The following FGD6 variants were observed in gnomAD, a reference collection of about 807,000 sequenced individuals.
The protein encoded by FGD6 is FYVE, RhoGEF and PH domain-containing protein 6.
In FGD6, 90 loss-of-function variants were observed where a neutral mutation model predicts 149.4. The ratio of observed to expected loss-of-function variants is 0.60; its 90% CI spans 0.51 to 0.72. FGD6 has a LOEUF of 0.72. FGD6 is among the 30% of genes least tolerant of loss of function. The pLI, the probability that FGD6 is intolerant of heterozygous loss-of-function variation, is 0.00. For missense variants in FGD6, 1,437 were observed against 1,684.8 expected (o/e 0.85, Z 2.57); for synonymous variants, 527 against 584.0 (o/e 0.90, Z 1.41).
At chr12:95,213,552 A>T (rs1274620493) in intron 1 of FGD6, among the ~76,000 whole-genome samples, 3 of 152,246 alleles carry the variant, frequency 2.0e-5, no homozygotes, top group Non-Finnish European at 4.4e-5. Context: ...ATTTTACCAC[A>T]GTTGGAAGAA....
intron 2 of FGD6, among the ~76,000 whole-genome samples, chr12:95,190,766 T>C (rs996291201): frequency 1.3e-5 from 2 of 152,082 alleles, no homozygotes; most frequent in Admixed American, 1.3e-4. Flanking sequence ...TGTAAAAATT[T>C]TGGGCGAGGC....
intron 2 of FGD6, among the ~76,000 whole-genome samples, chr12:95,193,336 G>A (rs1468398759): frequency 1.3e-5 from 2 of 151,940 alleles, no homozygotes; most frequent in Non-Finnish European, 2.9e-5. Context: ...CAACTTGGAT[G>A]GCTCTACAGA....
chr12:95,186,269 G>A (rs1271652779), intron 2 of FGD6, among the ~76,000 whole-genome samples: 2 of 84,156 alleles, frequency 2.4e-5, no homozygotes, highest in African/African-American at 9.0e-5. Context: ...TTTTTTTTGA[G>A]ACGGAGTCTT....
At chr12:95,153,101 G>T in intron 3 of FGD6, 108 bp from the exon 4 acceptor site, 1 of 892,792 alleles carries the variant, frequency 1.1e-6, no homozygotes, top group Non-Finnish European at 1.8e-6. Context: ...TTTCCTCCTA[G>T]CACACAGTTC....
chr12:95,213,335 T>G (rs1192461312), intron 1 of FGD6, among the ~76,000 whole-genome samples: 1 of 152,124 alleles, frequency 6.6e-6, no homozygotes, highest in East Asian at 1.9e-4. Context: ...TCCCAGCACC[T>G]TGGGAGGGCA....
intron 5 of FGD6, among the ~76,000 whole-genome samples, chr12:95,148,284 A>C (rs1451002423): frequency 3.0e-4 from 1 of 3,388 alleles, no homozygotes; most frequent in Non-Finnish European, 3.8e-4. Context: ...TTACAATGCA[A>C]AAAAAAAAAA....
rs770567489 is a variant in FGD6 at position 95,209,607 on chromosome 12, T to C, written c.1677A>G (p.Lys559=). 1.2e-6 allele frequency: 2 copies of C among 1,613,964 alleles called. No homozygotes were observed. Among genetic ancestry groups the C allele is most frequent in the Non-Finnish European group, 1.7e-6 (2 of 1,179,998 alleles). Residue 559 remains lysine, a synonymous_variant, in exon 2 of 21, where the codon AAA becomes AAG. Coordinates refer to ENST00000343958, the MANE Select transcript of FGD6 (RefSeq NM_018351.4). ...RGVSSSFDMP[K]RASEKPVWKL... The stretch of plus-strand genomic sequence containing the variant: ...TCCACACTGGCTTTTCTGAAGCCCG[T>C]TTAGGCATATCAAAGGAGGATGACA...
intron 9 of FGD6, among the ~76,000 whole-genome samples, chr12:95,113,041 C>T (rs932645411): frequency 6.6e-6 from 1 of 152,072 alleles, no homozygotes; most frequent in Non-Finnish European, 1.5e-5. Flanking sequence ...AGTGACTGAG[C>T]ACAGGAGGGC....
intron 20 of FGD6, 114 bp from the exon 21 acceptor site, chr12:95,081,670 T>G (rs1232305950): frequency 5.8e-6 from 2 of 344,504 alleles, no homozygotes; most frequent in East Asian, 4.8e-5. Context: ...ATAGGTAAGA[T>G]ATATATATAT....
chr12:95,194,270 T>C, intron 2 of FGD6, among the ~76,000 whole-genome samples: 1 of 151,598 alleles, frequency 6.6e-6, no homozygotes, highest in East Asian at 1.9e-4. Context: ...AGTTTCACTC[T>C]TGTTGCCCAG....
intron 2 of FGD6, among the ~76,000 whole-genome samples, chr12:95,174,148 G>T (rs1478090562): frequency 1.3e-5 from 2 of 152,120 alleles, no homozygotes; most frequent in African/African-American, 4.8e-5. Context: ...CTCCCCGGGG[G>T]TAAGTGGTGG....
Position 95,209,525 on chromosome 12 carries a change from T to C in FGD6, c.1759A>G (p.Thr587Ala). The C allele has an allele frequency of 6.2e-7, 1 of 1,614,002 alleles. No individual in the cohort carries two copies. The highest frequency in any genetic ancestry group is 8.5e-7 in the Non-Finnish European group (1 of 1,179,996). Residue 587 changes from threonine to alanine, a missense_variant, in exon 2 of 21, where the codon ACC (threonine) becomes GCC (alanine). Transcript: ENST00000343958. ...GAAGGCTCACTGTTTGACGATACGGTGACAGACTTTAAGAATTCTGGGTTC... is the reference window on the plus strand; with the variant it reads ...GAAGGCTCACTGTTTGACGATACGGCGACAGACTTTAAGAATTCTGGGTTC... Reference protein sequence around the residue: ...SGNPEFLKSVTVSSNSEPSTA... With the variant: ...SGNPEFLKSVAVSSNSEPSTA...
chr12:95,096,448 C>T (rs1363931379), intron 14 of FGD6, among the ~76,000 whole-genome samples: 1 of 152,120 alleles, frequency 6.6e-6, no homozygotes, highest in African/African-American at 2.4e-5. Context: ...TCATTACATA[C>T]AAAGAACAGC....
At chr12:95,164,316 A>G (rs1880734538) in intron 3 of FGD6, among the ~76,000 whole-genome samples, 1 of 142,024 alleles carries the variant, frequency 7.0e-6, no homozygotes, top group Non-Finnish European at 1.5e-5. Flanking sequence ...ATCTCGGCTC[A>G]CGGCAAGCTC....
At chr12:95,125,919 T>C in intron 8 of FGD6, 1 of 1,439,238 alleles carries the variant, frequency 6.9e-7, no homozygotes, top group South Asian at 1.1e-5. Flanking sequence ...GCCTTTCAAG[T>C]ACATGCAGCT....
chr12:95,182,410 A>G (rs996501442), intron 2 of FGD6, among the ~76,000 whole-genome samples: 2 of 152,302 alleles, frequency 1.3e-5, no homozygotes, highest in Middle Eastern at 3.4e-3. Flanking sequence ...TATGCTGGCC[A>G]GGCTGGTGTC....
In FGD6 at chr12:95,209,329, C is replaced by T. The variant is rs771809047; in HGVS notation, c.1955G>A (p.Ser652Asn). Residue 652 changes from serine to asparagine, a missense_variant, in exon 2 of 21, where the codon AGC becomes AAC. Ser to Asn is a conservative substitution (Grantham distance 46). Transcript: ENST00000343958. ...SDFQKFWSKS[S>N]QLGDTTTGHL... ...GCCTGTGGTGGTGTCTCCGAGTTGG[C>T]TACTCTTGGACCAAAATTTTTGAAA... 7 of 1,613,380 alleles carry T rather than the reference C, an allele frequency of 4.3e-6. No individual in the cohort carries two copies. In the African/African-American group the frequency reaches 8.0e-5, roughly 18 times the overall value.
chr12:95,111,005 C>T (rs1878803601), intron 9 of FGD6, among the ~76,000 whole-genome samples: 2 of 151,752 alleles, frequency 1.3e-5, no homozygotes, highest in Admixed American at 6.6e-5. Flanking sequence ...TTTCCTGAGA[C>T]AGAGTCTTGC....
chr12:95,178,694 A>G (rs1217691602), intron 2 of FGD6, among the ~76,000 whole-genome samples: 1 of 152,186 alleles, frequency 6.6e-6, no homozygotes, highest in African/African-American at 2.4e-5. Context: ...TCTCAATTTC[A>G]GTTTTTAAAA....
Sources: allele counts gnomAD v4.1 joint callset (sites outside exome capture counted in the v4.1 genomes callset), GRCh38; gene constraint gnomAD v4.1.1; transcripts MANE v1.5; gene names NCBI Gene and HGNC (gene_info 2026-07-23, HGNC 2026-07-21).